The following GMPR variants were observed in gnomAD, a reference collection of about 807,000 sequenced individuals.
GMPR encodes GMP reductase 1.
Under a neutral mutation model 38.4 loss-of-function variants are expected in GMPR, and 31 were observed. The ratio of observed to expected loss-of-function variants is 0.81; its 90% CI spans 0.61 to 1.09. GMPR has a LOEUF of 1.09. GMPR is among the 50% of genes least tolerant of loss of function. The probability of loss-of-function intolerance (pLI) is 0.00; values close to 1 mark genes in which losing one functional copy is unlikely to be tolerated. For synonymous variants in GMPR, 162 were observed against 173.3 expected (o/e 0.93, Z 0.51); for missense variants, 468 against 453.7 (o/e 1.03, Z -0.29).
rs1317789336 is a variant in GMPR at position 16,238,628 on chromosome 6, C to T, written c.-66C>T. On this transcript the variant is annotated 5_prime_UTR_variant, in exon 1 of 9. Transcript: ENST00000259727. ...GCGGCACAGCAGCCCCGGCGCTCCC[C>T]GCGCCGCCCCGCGCAGGCGCCCCCG... 4 of 577,448 alleles carry T rather than the reference C, an allele frequency of 6.9e-6. No individual in the cohort carries two copies. Among genetic ancestry groups the T allele is most frequent in the Non-Finnish European group, 6.8e-6 (3 of 440,046 alleles). 35.8% of individuals were successfully genotyped at this position (577,448 alleles called of 1,614,324 possible).
At chr6:16,239,004 G>T (rs954976940) in intron 1 of GMPR, among the ~76,000 whole-genome samples, 25 of 152,288 alleles carry the variant, frequency 1.6e-4, no homozygotes, top group Admixed American at 1.3e-3. Flanking sequence ...GGTCCCGTTG[G>T]GTGGCCTAGG....
At chr6:16,264,913 C>T (rs1461575001) in intron 4 of GMPR, among the ~76,000 whole-genome samples, 2 of 152,144 alleles carry the variant, frequency 1.3e-5, no homozygotes, top group African/African-American at 2.4e-5. Context: ...TAAGATGGGC[C>T]TTGCCACATA....
chr6:16,239,537 C>T (rs1489810061), intron 1 of GMPR, among the ~76,000 whole-genome samples: 1 of 152,196 alleles, frequency 6.6e-6, no homozygotes, highest in Non-Finnish European at 1.5e-5. Context: ...AAACTAGTTG[C>T]CTGAAAGGCA....
chr6:16,294,501 G>A (rs1321386700), intron 8 of GMPR, among the ~76,000 whole-genome samples: 2 of 152,208 alleles, frequency 1.3e-5, no homozygotes, highest in East Asian at 1.9e-4. Flanking sequence ...CCAGACAGGC[G>A]GGAGGTGAAG....
intron 4 of GMPR, among the ~76,000 whole-genome samples, chr6:16,261,820 T>C (rs1759091021): frequency 6.6e-6 from 1 of 151,636 alleles, no homozygotes; most frequent in Non-Finnish European, 1.5e-5. Context: ...GGAGTAGAGG[T>C]ATCTTATATT....
rs112794459 is a variant in GMPR at position 16,266,890 on chromosome 6, A to G, written c.466-7525A>G. Among the ~76,000 whole-genome samples the G allele has an allele frequency of 1.0e-3, 157 of 151,214 alleles. 1 individual carries two copies. Among genetic ancestry groups the G allele is most frequent in the African/African-American group, 3.3e-3 (136 of 41,198 alleles). Reference sequence around the variant, plus strand: ...CACGAACCGTCCGGGAGGAACGAACAACTCCGGACGTGCCACCTTTAAGAG... The same window carrying G: ...CACGAACCGTCCGGGAGGAACGAACGACTCCGGACGTGCCACCTTTAAGAG... On this transcript the variant is annotated intron_variant, in intron 4 of 8. Transcript: ENST00000259727.
chr6:16,288,349 G>T (rs564831779), intron 7 of GMPR, among the ~76,000 whole-genome samples: 1 of 152,176 alleles, frequency 6.6e-6, no homozygotes, highest in African/African-American at 2.4e-5. Flanking sequence ...TGCACTCGGA[G>T]CGGCCGGCTG....
chr6:16,271,567 G>A (rs1054073731), intron 4 of GMPR, among the ~76,000 whole-genome samples: 8 of 152,162 alleles, frequency 5.3e-5, no homozygotes, highest in Admixed American at 2.6e-4. Context: ...TGGTTGTTTA[G>A]CAAGTCAGCC....
chr6:16,254,150 C>A (rs1280655994), intron 3 of GMPR, among the ~76,000 whole-genome samples: 1 of 152,152 alleles, frequency 6.6e-6, no homozygotes. Flanking sequence ...AGGCTTGTCT[C>A]GAACTCCTGA....
intron 2 of GMPR, among the ~76,000 whole-genome samples, chr6:16,247,824 C>G (rs1758789625): frequency 1.3e-5 from 2 of 152,188 alleles, no homozygotes; most frequent in South Asian, 4.1e-4. Context: ...CTGAAACTGA[C>G]TCTAGAATCT....
intron 4 of GMPR, among the ~76,000 whole-genome samples, chr6:16,267,086 G>A (rs1002922803): frequency 2.0e-5 from 3 of 151,978 alleles, no homozygotes; most frequent in East Asian, 2.0e-4. Flanking sequence ...TAACATGGCC[G>A]GGCGCTGTGG....
chr6:16,241,764 C>A (rs913238262), intron 1 of GMPR, among the ~76,000 whole-genome samples: 3 of 152,070 alleles, frequency 2.0e-5, no homozygotes, highest in African/African-American at 7.2e-5. Context: ...TATTTAGAGA[C>A]GGAGTCTCAC....
intron 4 of GMPR, among the ~76,000 whole-genome samples, chr6:16,266,027 T>C (rs1759201246): frequency 6.6e-6 from 1 of 152,014 alleles, no homozygotes; most frequent in African/African-American, 2.4e-5. Flanking sequence ...GTGGCTTCAC[T>C]GCTGAAGTCA....
chr6:16,283,900 C>G (rs184970379), intron 6 of GMPR, among the ~76,000 whole-genome samples: 1 of 149,636 alleles, frequency 6.7e-6, no homozygotes, highest in African/African-American at 2.5e-5. Flanking sequence ...AGATAAAGCA[C>G]TTTAAAATTA....
Position 16,242,943 on chromosome 6 carries a change from AC to A in GMPR, c.88-3898del, listed in dbSNP as rs574636400. 1.0e-3 allele frequency among the ~76,000 whole-genome samples: 154 copies of A among 152,242 alleles called. 1 individual carries two copies. The highest frequency in any genetic ancestry group is 3.2e-3 in the African/African-American group (132 of 41,538). Reference sequence around the variant, plus strand: ...CCTGAAATTTATCCTTTTTATAAGAACATCAGTCATATTGGACTAGGGCTCA... The same window carrying A: ...CCTGAAATTTATCCTTTTTATAAGAAATCAGTCATATTGGACTAGGGCTCA... On this transcript the variant is annotated intron_variant, in intron 1 of 8. Transcript: ENST00000259727.
At chr6:16,241,580 A>G (rs1256869984) in intron 1 of GMPR, among the ~76,000 whole-genome samples, 2 of 152,172 alleles carry the variant, frequency 1.3e-5, no homozygotes, top group African/African-American at 4.8e-5. Context: ...GGACATTTGG[A>G]TAATCTTTTT....
At chr6:16,292,529 C>G (rs4716059) in intron 8 of GMPR, among the ~76,000 whole-genome samples, 2 of 152,084 alleles carry the variant, frequency 1.3e-5, no homozygotes, top group South Asian at 4.2e-4. Context: ...TTCCCCCAAG[C>G]GGTCCCTGAT....
At chr6:16,274,572 C>A in intron 5 of GMPR, 76 bp downstream of exon 5, 1 of 819,330 alleles carries the variant, frequency 1.2e-6, no homozygotes, top group Non-Finnish European at 2.2e-6. Context: ...GACTGCAGAT[C>A]ACTGGAGGGG....
chr6:16,278,707 G>GT (rs1489486107), intron 5 of GMPR, 77 bp from the exon 6 acceptor site: 3 of 1,013,420 alleles, frequency 3.0e-6, no homozygotes, highest in Non-Finnish European at 4.7e-6. Context: ...GGCTGCAAAG[G>GT]TAAGGGGGAC....
Sources: gnomAD v4.1 joint callset for allele counts (sites outside exome capture counted in the v4.1 genomes callset) on GRCh38, gnomAD v4.1.1 for gene constraint, MANE v1.5 for transcripts, NCBI Gene and HGNC (gene_info 2026-07-23, HGNC 2026-07-21) for gene names.